The following TMEM132D variants were observed in gnomAD, a reference collection of about 807,000 sequenced individuals.
TMEM132D encodes the protein mature OL transmembrane protein.
In TMEM132D, 21 loss-of-function variants were observed where a neutral mutation model predicts 62.3. The ratio of observed to expected loss-of-function variants is 0.34; its 90% confidence interval spans 0.24 to 0.49. TMEM132D has a LOEUF of 0.49. Ranked by LOEUF, TMEM132D falls within the 20% of genes least tolerant of loss-of-function variation. TMEM132D has a pLI of 0.99. For synonymous variants in TMEM132D, 621 were observed against 575.6 expected, an observed-to-expected ratio of 1.08 and a Z score of -1.13; for missense variants, 1,346 against 1,402.8, an observed-to-expected ratio of 0.96 and a Z score of 0.65.
intron 3 of TMEM132D, among the ~76,000 whole-genome samples, chr12:129,513,403 C>T (rs1875551409): frequency 6.6e-6 from 1 of 152,164 alleles, no homozygotes; most frequent in Admixed American, 6.5e-5. Flanking sequence ...TCTCCCAACA[C>T]TGCCATAATG....
intron 2 of TMEM132D, among the ~76,000 whole-genome samples, chr12:129,595,354 T>C (rs1016803813): frequency 3.9e-5 from 6 of 152,154 alleles, no homozygotes; most frequent in Non-Finnish European, 7.4e-5. Context: ...TTTGGTGCAA[T>C]GTTACTTTAG....
intron 5 of TMEM132D, among the ~76,000 whole-genome samples, chr12:129,166,764 T>C (rs1046075038): frequency 3.7e-4 from 6 of 16,388 alleles, no homozygotes; most frequent in South Asian, 1.6e-3. Context: ...CACACACACA[T>C]ATATATATAT....
At chr12:129,359,447 G>A (rs991063038) in intron 3 of TMEM132D, among the ~76,000 whole-genome samples, 3 of 152,160 alleles carry the variant, frequency 2.0e-5, no homozygotes, top group African/African-American at 7.2e-5. Context: ...ATTGAGCGTT[G>A]TGTCTTTCAC....
At chr12:129,900,644 C>G (rs1174528041) in intron 1 of TMEM132D, among the ~76,000 whole-genome samples, 1 of 152,220 alleles carries the variant, frequency 6.6e-6, no homozygotes, top group Non-Finnish European at 1.5e-5. Context: ...CTCTGCCCAA[C>G]TCCAATCTCC....
chr12:129,169,599 C>T (rs778456837), intron 5 of TMEM132D, among the ~76,000 whole-genome samples: 2 of 152,176 alleles, frequency 1.3e-5, no homozygotes, highest in African/African-American at 2.4e-5. Context: ...GACACATTCC[C>T]CTCTTAGCAT....
intron 1 of TMEM132D, among the ~76,000 whole-genome samples, chr12:129,724,562 G>A (rs773082313): frequency 1.1e-4 from 17 of 152,130 alleles, no homozygotes; most frequent in Middle Eastern, 3.4e-3. Context: ...CGCTCTTGTC[G>A]CCCAGGTTGG....
At chr12:129,860,566 T>G (rs954806129) in intron 1 of TMEM132D, among the ~76,000 whole-genome samples, 1 of 152,254 alleles carries the variant, frequency 6.6e-6, no homozygotes, top group African/African-American at 2.4e-5. Context: ...TAAATATATA[T>G]ACATATGTGC....
At chr12:129,228,108 T>G (rs1879532831) in intron 4 of TMEM132D, among the ~76,000 whole-genome samples, 1 of 151,840 alleles carries the variant, frequency 6.6e-6, no homozygotes, top group African/African-American at 2.4e-5. Context: ...CAAAACATGG[T>G]GTAGACAGTG....
In TMEM132D at chr12:129,679,808, C is replaced by G. The variant is rs528148522; in HGVS notation, c.968+20002G>C. On this transcript the variant is annotated intron_variant, in intron 2 of 8. Transcript: ENST00000422113. ...AAATTCCACCCACTCTAAGAAGTTG[C>G]TTTTTTGTTTTTCTTTCAAAATCAA... Among the ~76,000 whole-genome samples, 4 of 151,844 alleles carry G rather than the reference C, an allele frequency of 2.6e-5. 1 individual carries two copies. The East Asian group carries it at 5.8e-4, about 22-fold the overall frequency.
intron 3 of TMEM132D, among the ~76,000 whole-genome samples, chr12:129,413,110 C>T (rs1006034485): frequency 6.6e-6 from 1 of 152,154 alleles, no homozygotes; most frequent in Non-Finnish European, 1.5e-5. Context: ...TGAGATTTAA[C>T]ATTTCTAAGG....
intron 1 of TMEM132D, among the ~76,000 whole-genome samples, chr12:129,737,993 A>G (rs1869482423): frequency 6.6e-6 from 1 of 152,262 alleles, no homozygotes. Context: ...CTGATAATTT[A>G]TAAGGATCAT....
At chr12:129,221,014 A>T (rs1879331975) in intron 4 of TMEM132D, among the ~76,000 whole-genome samples, 1 of 152,192 alleles carries the variant, frequency 6.6e-6, no homozygotes, top group Non-Finnish European at 1.5e-5. Flanking sequence ...TCCAGTTTAC[A>T]GAGGACAAAG....
chr12:129,383,442 C>T (rs1287718129), intron 3 of TMEM132D, among the ~76,000 whole-genome samples: 1 of 152,086 alleles, frequency 6.6e-6, no homozygotes, highest in Non-Finnish European at 1.5e-5. Flanking sequence ...CATGTCAATC[C>T]TCTAGATAAT....
At chr12:129,835,912 C>T (rs558531065) in intron 1 of TMEM132D, among the ~76,000 whole-genome samples, 6 of 152,312 alleles carry the variant, frequency 3.9e-5, no homozygotes, top group Non-Finnish European at 7.3e-5. Flanking sequence ...GTGGAGCCCT[C>T]CTGGGCCAGA....
chr12:129,747,085 G>T (rs556317513), intron 1 of TMEM132D, among the ~76,000 whole-genome samples: 1 of 96,502 alleles, frequency 1.0e-5, no homozygotes, highest in South Asian at 3.5e-4. Flanking sequence ...TGGAGCCCAG[G>T]GCGCTCCAGT....
chr12:129,803,283 T>G (rs1208761023), intron 1 of TMEM132D, among the ~76,000 whole-genome samples: 2 of 147,026 alleles, frequency 1.4e-5, no homozygotes, highest in Non-Finnish European at 3.0e-5. Flanking sequence ...GACCACATAC[T>G]TGGAAGTAAA....
intron 1 of TMEM132D, among the ~76,000 whole-genome samples, chr12:129,717,234 T>G (rs1026383561): frequency 2.0e-5 from 3 of 152,160 alleles, no homozygotes; most frequent in Non-Finnish European, 4.4e-5. Context: ...ATGAAGAAAT[T>G]TAATCTACAT....
At chr12:129,354,719 A>G (rs1284696521) in intron 3 of TMEM132D, among the ~76,000 whole-genome samples, 1 of 152,158 alleles carries the variant, frequency 6.6e-6, no homozygotes, top group East Asian at 1.9e-4. Flanking sequence ...ATAAGGTGAC[A>G]TTATTACTCC....
chr12:129,120,733 A>G (rs1876033704), intron 5 of TMEM132D, among the ~76,000 whole-genome samples: 1 of 152,208 alleles, frequency 6.6e-6, no homozygotes, highest in South Asian at 2.1e-4. Flanking sequence ...TGATTGTTAC[A>G]TAAATTGTCA....
Sources: gnomAD v4.1 joint callset for allele counts (sites outside exome capture counted in the v4.1 genomes callset) on GRCh38, gnomAD v4.1.1 for gene constraint, MANE v1.5 for transcripts, NCBI Gene and HGNC (gene_info 2026-07-23, HGNC 2026-07-21) for gene names.